SERBP1: variants seen among roughly 807,000 people sequenced by gnomAD.
SERBP1 encodes the protein SERPINE1 mRNA-binding protein 1.
Under a neutral mutation model 50.2 loss-of-function variants are expected in SERBP1, and 6 were observed. The ratio of observed to expected loss-of-function variants is 0.12; its 90% CI spans 0.07 to 0.24. The LOEUF (loss-of-function observed/expected upper bound fraction) is 0.24, where lower values mean the gene tolerates loss of function less well. Among genes scored for constraint, SERBP1 ranks in the 10% least tolerant of loss-of-function variants. The probability of loss-of-function intolerance (pLI) is 1.00; values close to 1 mark genes in which losing one functional copy is unlikely to be tolerated. For synonymous variants in SERBP1, 168 were observed against 182.8 expected, an observed-to-expected ratio of 0.92 and a Z score of 0.65; for missense variants, 346 against 524.9, an observed-to-expected ratio of 0.66 and a Z score of 3.33.
intron 1 of SERBP1, among the ~76,000 whole-genome samples, chr1:67,427,660 A>T (rs1667431501): frequency 6.6e-6 from 1 of 152,218 alleles, no homozygotes; most frequent in South Asian, 2.1e-4. Flanking sequence ...GAGTTATGGA[A>T]CCAGTCCTTG....
chr1:67,411,588 C>T lies in SERBP1; in HGVS notation c.*1619G>A, dbSNP rs2100404573. 6.6e-6 allele frequency: 1 copy of T among 152,246 alleles called. No individual in the cohort carries two copies. The highest frequency in any genetic ancestry group is 2.1e-4 in the South Asian group (1 of 4,824). The allele number at this position is 152,246 out of a possible 1,614,324, so 9.4% of individuals were successfully genotyped here. A position where few individuals can be genotyped will look rare whatever the true frequency, so the allele number is the denominator to read the frequency against. On this transcript the variant is annotated 3_prime_UTR_variant, in exon 8 of 8. Coordinates refer to ENST00000361219, the MANE Select transcript of SERBP1 (RefSeq NM_001018069.2). Reference sequence around the variant, plus strand: ...ATCATTAAAAACAATTACCTCCTTCCTAAAATGTCAGAATAGTAGGTAACT... The same window carrying T: ...ATCATTAAAAACAATTACCTCCTTCTTAAAATGTCAGAATAGTAGGTAACT...
intron 6 of SERBP1, among the ~76,000 whole-genome samples, chr1:67,416,490 T>C (rs1667016239): frequency 6.6e-6 from 1 of 152,252 alleles, no homozygotes; most frequent in Non-Finnish European, 1.5e-5. Context: ...AGTTGAAAAC[T>C]GTACTTATAG....
At chr1:67,418,991 A>G (rs1156794329) in intron 6 of SERBP1, among the ~76,000 whole-genome samples, 1 of 152,234 alleles carries the variant, frequency 6.6e-6, no homozygotes, top group Non-Finnish European at 1.5e-5. Context: ...TTAAAGCCAA[A>G]CAGGAAGCCG....
rs777835441 is a variant in SERBP1 at position 67,415,352 on chromosome 1, G to A, written c.952-13C>T. ...CTTCAGCATGAGCCTAAAAATATAA[G>A]TGAAGATGATTGTGTTATTAGTAGA... On this transcript the variant is annotated splice_polypyrimidine_tract_variant and intron_variant, in intron 6 of 7. Transcript: ENST00000361219. 4 of 1,552,926 alleles carry A rather than the reference G, an allele frequency of 2.6e-6. No individual in the cohort carries two copies. In the East Asian group the frequency reaches 7.0e-5, roughly 27 times the overall value.
rs937576954 is a variant in SERBP1, at chr1:67,410,001, G to A, written c.*3206C>T. Reference sequence around the variant, plus strand: ...TATTTGTCTCAGTATAATCCAAAACGTCTGGGTTATAATCTATTTTCTAAG... The same window carrying A: ...TATTTGTCTCAGTATAATCCAAAACATCTGGGTTATAATCTATTTTCTAAG... On this transcript the variant is annotated 3_prime_UTR_variant, in exon 8 of 8. Transcript: ENST00000361219. 2.6e-5 allele frequency: 4 copies of A among 152,044 alleles called. No homozygotes were observed. Among genetic ancestry groups the A allele is most frequent in the African/African-American group, 7.3e-5 (3 of 41,376 alleles). The allele number at this position is 152,044 out of a possible 1,614,324, so 9.4% of individuals were successfully genotyped here. A position where few individuals can be genotyped will look rare whatever the true frequency, so the allele number is the denominator to read the frequency against.
intron 6 of SERBP1, among the ~76,000 whole-genome samples, chr1:67,418,101 G>C (rs2100421143): frequency 6.8e-6 from 1 of 146,344 alleles, no homozygotes. Context: ...TCAGCCTCCT[G>C]AGTAGCTGGG....
At chr1:67,423,221 C>A (rs1375011670) in intron 5 of SERBP1, among the ~76,000 whole-genome samples, 1 of 151,974 alleles carries the variant, frequency 6.6e-6, no homozygotes, top group Non-Finnish European at 1.5e-5. Context: ...ATCGCGTGAA[C>A]CCGGGAGGCG....
At chr1:67,415,388 T>G in intron 6 of SERBP1, 49 bp from the exon 7 acceptor site, 1 of 1,459,072 alleles carries the variant, frequency 6.9e-7, no homozygotes, top group Non-Finnish European at 9.1e-7. Flanking sequence ...AAAGTAACAT[T>G]GCAAAATTTC....
chr1:67,420,552 C>T (rs1667167855), intron 5 of SERBP1: 1 of 164,814 alleles, frequency 6.1e-6, no homozygotes, highest in South Asian at 1.9e-4. Context: ...TCTCCTAAAC[C>T]ACATTTTTAA....
In SERBP1 at chr1:67,415,218, C is replaced by T. The variant is rs1557500478; in HGVS notation, c.1073G>A (p.Arg358Gln). 2 of 1,612,478 alleles carry T rather than the reference C, an allele frequency of 1.2e-6. No homozygotes were observed. Among genetic ancestry groups the T allele is most frequent in the Non-Finnish European group, 1.7e-6 (2 of 1,179,218 alleles). Reference sequence around the variant, plus strand: ...GCGCCCACCACGCCCACGTCCACCTCGTCCTCCCCTGCCGCCACGTCCTGG... The same window carrying T: ...GCGCCCACCACGCCCACGTCCACCTTGTCCTCCCCTGCCGCCACGTCCTGG... ...GRPGRGGRGGRGGRGRGGRPN... is the reference protein window; with the variant it reads ...GRPGRGGRGGQGGRGRGGRPN... The change falls in exon 7 of 8, where the codon CGA becomes CAA. Residue 358 changes from arginine to glutamine, a missense_variant. Physicochemically the swap from Arg to Gln is conservative, Grantham distance 43 (BLOSUM62 1). Around this residue, in one of 5 missense-constraint regions of SERBP1, gnomAD observed 68 missense variants for 97.3 expected, o/e 0.70. Transcript: ENST00000361219.
Position 67,416,011 on chromosome 1 carries a change from C to CTTTT in SERBP1, c.952-676_952-673dup, listed in dbSNP as rs376512995. On this transcript the variant is annotated intron_variant, in intron 6 of 7. Transcript: ENST00000361219. ...CACACCTTAAATGTGTCACAGGAAC[C>CTTTT]TTTTTTTTTTTTTTTTTTTGAGACA... Among the ~76,000 whole-genome samples the CTTTT allele has an allele frequency of 6.4e-5, 8 of 125,308 alleles. No homozygotes were observed. In the South Asian group the frequency reaches 1.0e-3, roughly 16 times the overall value. 82.2% of individuals were successfully genotyped at this position (125,308 alleles called of 152,430 possible). A position where few individuals can be genotyped will look rare whatever the true frequency, so the allele number is the denominator to read the frequency against.
intron 6 of SERBP1, among the ~76,000 whole-genome samples, 173 bp from the exon 7 acceptor site, chr1:67,415,512 G>A (rs914239800): frequency 1.2e-4 from 19 of 152,186 alleles, no homozygotes; most frequent in African/African-American, 4.6e-4. Context: ...AGTGATCCTG[G>A]AGGAAGATTT....
intron 7 of SERBP1, among the ~76,000 whole-genome samples, chr1:67,414,397 A>G (rs1036312462): frequency 1.3e-5 from 2 of 152,194 alleles, no homozygotes; most frequent in African/African-American, 4.8e-5. Context: ...AGAGGGAGGA[A>G]CAAAGTATCA....
At position 67,409,386 on chromosome 1, in the gene SERBP1, G is replaced by GAGAC. The variant is rs1553132801; in HGVS notation, c.*3820_*3821insGTCT. On this transcript the variant is annotated 3_prime_UTR_variant, in exon 8 of 8. Coordinates refer to ENST00000361219, the MANE Select transcript of SERBP1 (RefSeq NM_001018069.2). The stretch of plus-strand genomic sequence containing the variant: ...AAACCATTCTTAACTCAGGGACACG[G>GAGAC]ACACACACACACACACACACACACA... 1 of 114,142 alleles carries GAGAC rather than the reference G, an allele frequency of 8.8e-6. No homozygotes were observed. Among genetic ancestry groups the GAGAC allele is most frequent in the African/African-American group, 3.4e-5 (1 of 29,092 alleles). 7.1% of individuals were successfully genotyped at this position (114,142 alleles called of 1,614,324 possible).
At chr1:67,428,051 T>C (rs1243396029) in intron 1 of SERBP1, among the ~76,000 whole-genome samples, 1 of 152,208 alleles carries the variant, frequency 6.6e-6, no homozygotes, top group Admixed American at 6.5e-5. Context: ...CAGGTTAACC[T>C]TCCTACTACA....
rs1666816895 is a variant in SERBP1 at position 67,410,922 on chromosome 1, CAAATAAAAACCCCATATAAAATTCAAT to C, written c.*2258_*2284del. 6.6e-6 allele frequency: 1 copy of C among 152,022 alleles called. No individual in the cohort carries two copies. Among genetic ancestry groups the C allele is most frequent in the Non-Finnish European group, 1.5e-5 (1 of 67,966 alleles). 9.4% of individuals were successfully genotyped at this position (152,022 alleles called of 1,614,324 possible). A position where few individuals can be genotyped will look rare whatever the true frequency, so the allele number is the denominator to read the frequency against. ...TGTGATTCAACAGCCTGGTTTTTAG[CAAATAAAAACCCCATATAAAATTCAAT>C]TTAAAAATTATAAACACACAGGGGT... On this transcript the variant is annotated 3_prime_UTR_variant, in exon 8 of 8. Coordinates refer to ENST00000361219, the MANE Select transcript of SERBP1 (RefSeq NM_001018069.2).
Position 67,413,158 on chromosome 1 carries a change from T to C in SERBP1, c.*49A>G. ...TGGAATCCTTAAGCATGCAAAAGCT[T>C]TGAACAGAAGGGTTCACAAAGGAAC... On this transcript the variant is annotated 3_prime_UTR_variant, in exon 8 of 8. Transcript: ENST00000361219. The C allele has an allele frequency of 6.5e-7, 1 of 1,539,936 alleles. No individual in the cohort carries two copies. Among genetic ancestry groups the C allele is most frequent in the Non-Finnish European group, 8.7e-7 (1 of 1,148,702 alleles).
At position 67,408,174 on chromosome 1, in the gene SERBP1, G is replaced by A. The variant is rs1666694780; in HGVS notation, c.*5033C>T. ...CCTAAAGCAACTATTTAAGGATTAA[G>A]CCACACAAGGTCAGAGTAATTGAGC... On this transcript the variant is annotated 3_prime_UTR_variant, in exon 8 of 8. Coordinates refer to ENST00000361219, the MANE Select transcript of SERBP1 (RefSeq NM_001018069.2). 1 of 152,148 alleles carries A rather than the reference G, an allele frequency of 6.6e-6. No individual in the cohort carries two copies. Among genetic ancestry groups the A allele is most frequent in the African/African-American group, 2.4e-5 (1 of 41,428 alleles). 9.4% of individuals were successfully genotyped at this position (152,148 alleles called of 1,614,324 possible).
At chr1:67,421,058 A>AT (rs1667182682) in intron 5 of SERBP1, among the ~76,000 whole-genome samples, 1 of 152,144 alleles carries the variant, frequency 6.6e-6, no homozygotes, top group Admixed American at 6.5e-5. Context: ...TAGAGCTCAA[A>AT]TATCTCCCTG....
Sources: gnomAD v4.1 joint callset for allele counts (sites outside exome capture counted in the v4.1 genomes callset) on GRCh38, gnomAD v4.1.1 for gene constraint, gnomAD v4.1.1 regional missense constraint, MANE v1.5 for transcripts, NCBI Gene and HGNC (gene_info 2026-07-23, HGNC 2026-07-21) for gene names.